The following FLVCR1 variants were observed in gnomAD, a reference collection of about 807,000 sequenced individuals.
The protein encoded by FLVCR1 is choline/ethanolamine transporter FLVCR1.
In FLVCR1, 34 loss-of-function variants were observed where a neutral mutation model predicts 53.6. That is an observed-to-expected ratio of 0.63 (90% CI 0.48 to 0.84). FLVCR1 has a LOEUF of 0.84. FLVCR1 is among the 40% of genes least tolerant of loss of function. The pLI is 0.00. For synonymous variants in FLVCR1, 300 were observed against 286.3 expected (o/e 1.05, Z -0.48); for missense variants, 677 against 696.7 (o/e 0.97, Z 0.32).
At chr1:212,892,468 C>A (rs1423144836) in intron 8 of FLVCR1, among the ~76,000 whole-genome samples, 2 of 152,292 alleles carry the variant, frequency 1.3e-5, no homozygotes, top group East Asian at 3.9e-4. Flanking sequence ...ACCTGAACCC[C>A]GTAGTTGATA....
intron 5 of FLVCR1, among the ~76,000 whole-genome samples, chr1:212,886,792 A>G (rs543005684): frequency 1.3e-5 from 2 of 152,200 alleles, no homozygotes; most frequent in South Asian, 4.2e-4. Flanking sequence ...ACAGAGCAAG[A>G]CGCTGTCTAA....
chr1:212,890,185 C>G (rs1455383097), intron 8 of FLVCR1, among the ~76,000 whole-genome samples: 1 of 152,202 alleles, frequency 6.6e-6, no homozygotes, highest in Non-Finnish European at 1.5e-5. Flanking sequence ...TTTGCCCATG[C>G]ACATGGGTGT....
chr1:212,894,628 C>T (rs1665286472), intron 8 of FLVCR1, among the ~76,000 whole-genome samples: 1 of 152,126 alleles, frequency 6.6e-6, no homozygotes. Context: ...TTTCCTTTGG[C>T]TGACATAGAC....
Position 212,863,848 on chromosome 1 carries a change from T to C in FLVCR1, c.862T>C (p.Leu288=). Reference sequence around the variant, plus strand: ...TGGAACATCAGCTGTTGCCACACTTTTATTTATTTTAACAGCAATTGGTAA... The same window carrying C: ...TGGAACATCAGCTGTTGCCACACTTCTATTTATTTTAACAGCAATTGGTAA... The part of the protein sequence containing the change: ...FYGTSAVATL[L]FILTAIAFKE... The change falls in exon 2 of 10, where the codon TTA becomes CTA. Residue 288 remains leucine (L), a synonymous_variant. Transcript: ENST00000366971. 2 of 1,613,726 alleles carry C rather than the reference T, an allele frequency of 1.2e-6. No homozygotes were observed. Among genetic ancestry groups the C allele is most frequent in the Non-Finnish European group, 1.7e-6 (2 of 1,179,598 alleles).
At chr1:212,868,955 A>C (rs765263861) in intron 2 of FLVCR1, among the ~76,000 whole-genome samples, 1 of 152,228 alleles carries the variant, frequency 6.6e-6, no homozygotes, top group Non-Finnish European at 1.5e-5. Context: ...TTACTTCCTC[A>C]AAGTCATACA....
At chr1:212,889,978 G>T (rs983997483) in intron 8 of FLVCR1, among the ~76,000 whole-genome samples, 7 of 151,188 alleles carry the variant, frequency 4.6e-5, no homozygotes, top group Non-Finnish European at 8.8e-5. Flanking sequence ...CTGGCACCTG[G>T]GACGTGCCTA....
At chr1:212,891,308 AGGCTGAGGCAGAAGAATTGCTTGAATCTG>A (rs1252525323) in intron 8 of FLVCR1, among the ~76,000 whole-genome samples, 6 of 58,732 alleles carry the variant, frequency 1.0e-4, no homozygotes, top group African/African-American at 2.2e-4. Flanking sequence ...GCTACTTGGG[AGGCTGAGGCAGAAGAATTGCTTGAATCTG>A]GGAGGCTGAG....
At chr1:212,888,419 A>G in intron 6 of FLVCR1, 70 bp from the exon 7 acceptor site, 1 of 1,042,654 alleles carries the variant, frequency 9.6e-7, no homozygotes, top group Admixed American at 1.7e-5. Context: ...CGAGAGGCAG[A>G]ATGATTGCAT....
intron 5 of FLVCR1, among the ~76,000 whole-genome samples, chr1:212,885,751 C>T (rs913981590): frequency 4.0e-5 from 6 of 151,864 alleles, no homozygotes; most frequent in South Asian, 2.1e-4. Flanking sequence ...CGGGGTTTCA[C>T]CTTGTTAGCC....
intron 8 of FLVCR1, among the ~76,000 whole-genome samples, chr1:212,893,967 G>A (rs757611945): frequency 7.9e-5 from 12 of 151,988 alleles, no homozygotes; most frequent in Non-Finnish European, 1.6e-4. Context: ...TAGAGATGGG[G>A]GTTTCACTAT....
At chr1:212,875,727 G>C (rs1297140412) in intron 3 of FLVCR1, among the ~76,000 whole-genome samples, 1 of 151,690 alleles carries the variant, frequency 6.6e-6, no homozygotes, top group Non-Finnish European at 1.5e-5. Flanking sequence ...TATAGTCCTA[G>C]CTACTCGGGA....
intron 8 of FLVCR1, among the ~76,000 whole-genome samples, chr1:212,893,514 G>A (rs1351910187): frequency 6.6e-6 from 1 of 152,162 alleles, no homozygotes; most frequent in African/African-American, 2.4e-5. Context: ...CTCCTGTTTT[G>A]AGGAAGTTTT....
chr1:212,893,243 G>A (rs954052906), intron 8 of FLVCR1, among the ~76,000 whole-genome samples: 2 of 152,034 alleles, frequency 1.3e-5, no homozygotes, highest in African/African-American at 4.8e-5. Context: ...TTTTTGTAGA[G>A]ACGGGGTTTC....
At chr1:212,884,031 G>A (rs1664993243) in intron 4 of FLVCR1, among the ~76,000 whole-genome samples, 1 of 152,192 alleles carries the variant, frequency 6.6e-6, no homozygotes, top group Non-Finnish European at 1.5e-5. Flanking sequence ...AGTATGGCCA[G>A]GCATAGTGGC....
chr1:212,895,433 C>A lies in FLVCR1; in HGVS notation c.*143C>A. ...AAAATTACCATATGAACTCTAAATG[C>A]ATAATTATTATTTTGCTTAATTGTT... On this transcript the variant is annotated 3_prime_UTR_variant, in exon 10 of 10. Transcript: ENST00000366971. 1 of 684,236 alleles carries A rather than the reference C, an allele frequency of 1.5e-6. No individual in the cohort carries two copies. The allele number at this position is 684,236 out of a possible 1,614,324, so 42.4% of individuals were successfully genotyped here.
chr1:212,888,733 G>A, intron 7 of FLVCR1, 139 bp downstream of exon 7: 3 of 705,112 alleles, frequency 4.3e-6, no homozygotes, highest in Middle Eastern at 3.0e-4. Flanking sequence ...CATCCAAGCT[G>A]GAGTGCAGTA....
intron 2 of FLVCR1, chr1:212,870,189 ATATT>A (rs1417376770): frequency 1.3e-5 from 2 of 152,224 alleles, no homozygotes; most frequent in Non-Finnish European, 2.9e-5. Context: ...TAAAAAGTAA[ATATT>A]TATGAGTTAT....
chr1:212,895,254 G>A lies in FLVCR1; in HGVS notation c.1632G>A (p.Thr544=), dbSNP rs751409998. 45 of 1,613,328 alleles carry A rather than the reference G, an allele frequency of 2.8e-5. No individual in the cohort carries two copies. Among genetic ancestry groups the A allele is most frequent in the Admixed American group, 1.7e-4 (10 of 59,966 alleles). ...GTCCCACAGACCAAGAACCAAAAAC[G>A]GTTATGTTGTCCAAGCAGTCAGAAT... ...ADSPTDQEPK[T]VMLSKQSESA... The change falls in exon 10 of 10, where the codon ACG becomes ACA. Residue 544 remains threonine, a synonymous_variant. Transcript: ENST00000366971.
At position 212,885,323 on chromosome 1, in the gene FLVCR1, C is replaced by T. The variant is rs750790078; in HGVS notation, c.1123C>T (p.Leu375=). 2 of 1,613,932 alleles carry T rather than the reference C, an allele frequency of 1.2e-6. No individual in the cohort carries two copies. The highest frequency in any genetic ancestry group is 3.3e-5 in the Admixed American group (2 of 59,978). ...GEEVNAGRIG[L]TLVVAGMVGS... The stretch of plus-strand genomic sequence containing the variant: ...AGAAGTCAATGCTGGAAGGATTGGG[C>T]TAACGCTAGTAGTAGCTGGAATGGT... The change falls in exon 5 of 10, where the codon CTA becomes TTA. Residue 375 remains leucine (L), a synonymous_variant. Transcript: ENST00000366971.
Sources: allele counts gnomAD v4.1 joint callset (sites outside exome capture counted in the v4.1 genomes callset), GRCh38; gene constraint gnomAD v4.1.1; transcripts MANE v1.5; gene names NCBI Gene and HGNC (gene_info 2026-07-23, HGNC 2026-07-21).